The following LRRD1 variants were observed in gnomAD, a reference collection of about 807,000 sequenced individuals.
The protein encoded by LRRD1 is leucine rich repeats and death domain containing 1, also known as leucine-rich repeat and death domain-containing protein 1.
In LRRD1, 49 loss-of-function variants were observed where a neutral mutation model predicts 69.5. The observed-to-expected ratio is 0.70, with a 90% CI of 0.56 to 0.89. The LOEUF (loss-of-function observed/expected upper bound fraction) is 0.89. Among genes scored for constraint, LRRD1 ranks in the 40% least tolerant of loss-of-function variants. LRRD1 has a pLI of 0.00. For synonymous variants in LRRD1, 303 were observed against 338.9 expected, an observed-to-expected ratio of 0.89 and a Z score of 1.16; for missense variants, 853 against 956.0, an observed-to-expected ratio of 0.89 and a Z score of 1.42.
At position 92,150,653 on chromosome 7, in the gene LRRD1, A is replaced by G. The variant is rs1254933389; in HGVS notation, c.2159T>C (p.Phe720Ser). Residue 720 changes from phenylalanine (F) to serine (S), a missense_variant, in exon 4 of 6, where the codon TTT (phenylalanine) becomes TCT (serine). Physicochemically the swap from Phe to Ser is radical, Grantham distance 155. Transcript: ENST00000458448. ...ATCAAAATTTATCTCCTTCAGTGAAAAAATATTGTAGATAGCACTAGGTAG... is the reference window on the plus strand; with the variant it reads ...ATCAAAATTTATCTCCTTCAGTGAAGAAATATTGTAGATAGCACTAGGTAG... ...TALPSAIYNI[F>S]SLKEINFDDN... 6.5e-7 allele frequency: 1 copy of G among 1,550,242 alleles called. No homozygotes were observed. The highest frequency in any genetic ancestry group is 8.7e-7 in the Non-Finnish European group (1 of 1,145,606).
chr7:92,164,389 T>C lies in LRRD1; in HGVS notation c.814A>G (p.Ile272Val). The C allele has an allele frequency of 6.5e-7, 1 of 1,549,140 alleles. No individual in the cohort carries two copies. The highest frequency in any genetic ancestry group is 1.2e-5 in the South Asian group (1 of 83,830). The change falls in exon 2 of 6, where the codon ATA becomes GTA. Residue 272 changes from isoleucine to valine, a missense_variant. This residue lies in a region of LRRD1 where 739 missense variants were observed against 808.0 expected (regional missense o/e 0.91). Transcript: ENST00000458448. ...LSLGKNKLRHIPDTLPSLKTL... is the reference protein window; with the variant it reads ...LSLGKNKLRHVPDTLPSLKTL... ...TTTAAACTAGGCAGAGTATCTGGTA[T>C]ATGTCTTAACTTATTTTTACCCAAA...
At chr7:92,142,685 G>T, downstream of LRRD1, 1 of 403,994 alleles carries the variant, frequency 2.5e-6, no homozygotes, top group South Asian at 1.8e-5. Context: ...TCTTCCTTCT[G>T]GTGGGATCGT....
At chr7:92,166,427 A>G (rs1374141653) in intron 1 of LRRD1, among the ~76,000 whole-genome samples, 2 of 152,208 alleles carry the variant, frequency 1.3e-5, no homozygotes, top group East Asian at 1.9e-4. Context: ...ACATTTTCCA[A>G]CTTGTTTTAT....
intron 1 of LRRD1, among the ~76,000 whole-genome samples, chr7:92,177,461 G>A (rs994252684): frequency 2.6e-5 from 4 of 152,054 alleles, no homozygotes; most frequent in African/African-American, 9.7e-5. Flanking sequence ...TGCCTTCCCT[G>A]GCTTCATATT....
downstream of LRRD1, among the ~76,000 whole-genome samples, chr7:92,143,468 G>T (rs1383442277): frequency 6.6e-6 from 1 of 152,182 alleles, no homozygotes; most frequent in Admixed American, 6.5e-5. Flanking sequence ...CCACGGAAGT[G>T]GGGGAGGCTC....
At chr7:92,145,922 G>A (rs1323468179) in intron 5 of LRRD1, among the ~76,000 whole-genome samples, 161 bp downstream of exon 5, 1 of 152,120 alleles carries the variant, frequency 6.6e-6, no homozygotes, top group African/African-American at 2.4e-5. Flanking sequence ...TATGTTATAT[G>A]GCCTTCCAAC....
downstream of LRRD1, among the ~76,000 whole-genome samples, chr7:92,143,159 C>A (rs535439838): frequency 2.1e-4 from 32 of 152,242 alleles, no homozygotes; most frequent in Admixed American, 1.7e-3. Context: ...TATTCACCAA[C>A]CCTGAGCTAG....
At chr7:92,165,953 G>A (rs1283590963) in intron 1 of LRRD1, among the ~76,000 whole-genome samples, 1 of 151,998 alleles carries the variant, frequency 6.6e-6, no homozygotes, top group Non-Finnish European at 1.5e-5. Context: ...TGTGAACATG[G>A]ATGTTTACAT....
downstream of LRRD1, chr7:92,144,824 T>G (rs1208628835): frequency 3.8e-5 from 38 of 993,124 alleles, no homozygotes; most frequent in Non-Finnish European, 5.1e-5. Flanking sequence ...GTGAAATGGT[T>G]CACAAACACA....
downstream of LRRD1, among the ~76,000 whole-genome samples, chr7:92,144,044 C>T (rs549078446): frequency 1.3e-5 from 2 of 152,252 alleles, no homozygotes; most frequent in East Asian, 1.9e-4. Flanking sequence ...TTTCTGATAG[C>T]AGAAGAAGGG....
chr7:92,172,480 A>T (rs1028132644), intron 1 of LRRD1, among the ~76,000 whole-genome samples: 15 of 152,180 alleles, frequency 9.9e-5, no homozygotes, highest in Non-Finnish European at 1.9e-4. Context: ...GAACTAATAC[A>T]TTCGGTAAAG....
chr7:92,173,722 G>A (rs528422938), intron 1 of LRRD1, among the ~76,000 whole-genome samples: 1 of 152,248 alleles, frequency 6.6e-6, no homozygotes, highest in East Asian at 1.9e-4. Flanking sequence ...CTGCGATATC[G>A]TTGATGGAAA....
chr7:92,152,047 G>A (rs1820481498), intron 3 of LRRD1, among the ~76,000 whole-genome samples: 1 of 148,908 alleles, frequency 6.7e-6, no homozygotes, highest in African/African-American at 2.5e-5. Context: ...ATATTTTATA[G>A]TTATATTATT....
chr7:92,149,830 G>A, intron 4 of LRRD1: 1 of 434,552 alleles, frequency 2.3e-6, no homozygotes, highest in South Asian at 1.7e-5. Context: ...TAGGATTACA[G>A]GCATGAGCCA....
chr7:92,170,623 A>C (rs1488162871), intron 1 of LRRD1, among the ~76,000 whole-genome samples: 1 of 152,240 alleles, frequency 6.6e-6, no homozygotes. Flanking sequence ...CCACACTCTC[A>C]ATAATCAATA....
chr7:92,160,032 C>A (rs906829793), intron 2 of LRRD1, among the ~76,000 whole-genome samples: 14 of 151,912 alleles, frequency 9.2e-5, no homozygotes, highest in African/African-American at 3.4e-4. Context: ...GCATTTTGAC[C>A]AAATGTTTAA....
intron 3 of LRRD1, among the ~76,000 whole-genome samples, chr7:92,153,425 C>G (rs1412062107): frequency 6.6e-6 from 1 of 151,482 alleles, no homozygotes; most frequent in Non-Finnish European, 1.5e-5. Flanking sequence ...AAATTTATAC[C>G]AATTTTTATT....
intron 1 of LRRD1, among the ~76,000 whole-genome samples, chr7:92,173,715 C>T (rs1418939812): frequency 2.0e-5 from 3 of 151,996 alleles, no homozygotes; most frequent in East Asian, 1.9e-4. Flanking sequence ...AGTGGTTCTG[C>T]GATATCGTTG....
intron 1 of LRRD1, among the ~76,000 whole-genome samples, chr7:92,177,428 T>A (rs2131031033): frequency 6.6e-6 from 1 of 152,328 alleles, no homozygotes; most frequent in East Asian, 1.9e-4. Flanking sequence ...CTTCTTCTTC[T>A]TGAGAACATA....
Sources: gnomAD v4.1 joint callset for allele counts (sites outside exome capture counted in the v4.1 genomes callset) on GRCh38, gnomAD v4.1.1 for gene constraint, gnomAD v4.1.1 regional missense constraint, MANE v1.5 for transcripts, NCBI Gene and HGNC (gene_info 2026-07-23, HGNC 2026-07-21) for gene names.